Variants in MDN1 observed in about 807,000 individuals in gnomAD.
MDN1 encodes the protein midasin AAA ATPase 1, also known as midasin.
Under a neutral mutation model 669.2 loss-of-function variants are expected in MDN1, and 266 were observed. The ratio of observed to expected loss-of-function variants is 0.40; its 90% confidence interval spans 0.36 to 0.44. The LOEUF (loss-of-function observed/expected upper bound fraction) is 0.44. Ranked by LOEUF, MDN1 falls within the 20% of genes least tolerant of loss-of-function variation. The pLI is 1.00. For missense variants in MDN1, 5,940 were observed against 6,754.0 expected, an observed-to-expected ratio of 0.88 and a Z score of 4.22; for synonymous variants, 2,385 against 2,457.1, an observed-to-expected ratio of 0.97 and a Z score of 0.87.
At chr6:89,723,453 AAAATACTGGTTC>A in intron 39 of MDN1, 47 bp downstream of exon 39, 1 of 1,079,982 alleles carries the variant, frequency 9.3e-7, no homozygotes, top group Middle Eastern at 2.3e-4. Flanking sequence ...CTATGTTGAA[AAAATACTGGTTC>A]AAATACAGCC....
intron 20 of MDN1, among the ~76,000 whole-genome samples, chr6:89,755,587 A>C (rs995299673): frequency 6.6e-6 from 1 of 152,280 alleles, no homozygotes; most frequent in African/African-American, 2.4e-5. Context: ...TGTATTAAGG[A>C]AGAGAAAAAA....
At chr6:89,703,531 T>C (rs1267999578) in intron 53 of MDN1, among the ~76,000 whole-genome samples, 1 of 152,166 alleles carries the variant, frequency 6.6e-6, no homozygotes, top group East Asian at 1.9e-4. Context: ...GTAACATTGT[T>C]TCTAGATTAG....
rs148261180 is a variant in MDN1, at chr6:89,758,818, G to A, written c.2603C>T (p.Thr868Ile). Residue 868 changes from threonine to isoleucine, a missense_variant and splice_region_variant, in exon 18 of 102, where the codon ACA (threonine) becomes ATA (isoleucine). Coordinates refer to ENST00000369393, the MANE Select transcript of MDN1 (RefSeq NM_014611.3). ...ATCCCAAGGGATTCAAGTGCTACCT[G>A]TGTCTCCTCGATCCAGCAACACCAG... Reference protein sequence around the residue: ...GSLVLLDRGDTEPLVRHPDFR... With the variant: ...GSLVLLDRGDIEPLVRHPDFR... 504 of 1,614,080 alleles carry A rather than the reference G, an allele frequency of 3.1e-4. No homozygotes were observed. The African/African-American group carries it at 6.2e-3, about 20-fold the overall frequency.
At chr6:89,656,952 C>G (rs999334730) in intron 90 of MDN1, 151 bp from the exon 91 acceptor site, 7 of 640,506 alleles carry the variant, frequency 1.1e-5, no homozygotes, top group Admixed American at 9.3e-5. Flanking sequence ...TGGAACTCAC[C>G]GTAACTAAGG....
At chr6:89,654,737 T>A (rs1308243494) in intron 92 of MDN1, among the ~76,000 whole-genome samples, 1 of 152,188 alleles carries the variant, frequency 6.6e-6, no homozygotes, top group Admixed American at 6.5e-5. Context: ...GATTTGAATG[T>A]TCCCAACACA....
chr6:89,811,028 C>T (rs895381963), intron 1 of MDN1, among the ~76,000 whole-genome samples: 1 of 152,142 alleles, frequency 6.6e-6, no homozygotes, highest in African/African-American at 2.4e-5. Context: ...GACTTTATTA[C>T]ATCTGCAAAG....
Position 89,719,151 on chromosome 6 carries a change from A to G in MDN1, c.6042T>C (p.Thr2014=), listed in dbSNP as rs150195195. The G allele has an allele frequency of 9.9e-6, 16 of 1,613,492 alleles. No homozygotes were observed. Among genetic ancestry groups the G allele is most frequent in the Non-Finnish European group, 1.3e-5 (15 of 1,179,478 alleles). ...GTCTCCTTACCTGAACATCATAGGG[A>G]GTGATACGAAATAGTCTGGTTCCCA... ...PYMGTRLFRI[T]PYDVQLGYSV... The change falls in exon 41 of 102, where the codon ACT becomes ACC. Residue 2014 remains threonine, a synonymous_variant. Transcript: ENST00000369393.
rs763386259 is a variant in MDN1 at position 89,698,981 on chromosome 6, T to A, written c.9052A>T (p.Met3018Leu). ...LWSELFNSMF[M>L]SFWSSTVTTN... ...GTCACAGTACTGCTCCAGAAAGACA[T>A]AAACATGGAATTAAATAACTCGGAC... The change falls in exon 59 of 102, where the codon ATG becomes TTG. Residue 3018 changes from methionine (M) to leucine (L), a missense_variant. Met to Leu is a conservative substitution (Grantham distance 15, BLOSUM62 2). Around this residue, in one of 5 missense-constraint regions of MDN1, gnomAD observed 2,292 missense variants for 2,638.3 expected, o/e 0.87. Transcript: ENST00000369393. 1.1e-5 allele frequency: 18 copies of A among 1,613,816 alleles called. No homozygotes were observed. The highest frequency in any genetic ancestry group is 1.4e-5 in the Non-Finnish European group (17 of 1,179,936).
In MDN1 at chr6:89,790,203, G is replaced by A; in HGVS notation, c.1054C>T (p.Pro352Ser). 1 of 1,614,122 alleles carries A rather than the reference G, an allele frequency of 6.2e-7. No individual in the cohort carries two copies. The highest frequency in any genetic ancestry group is 2.2e-5 in the East Asian group (1 of 44,882). Residue 352 changes from proline (P) to serine (S), a missense_variant, in exon 6 of 102, where the codon CCT becomes TCT. Physicochemically the swap from Pro to Ser is moderately conservative, Grantham distance 74. Transcript: ENST00000369393. Reference sequence around the variant, plus strand: ...CCAAGCTGGACTTTGAGAAGCTGAGGAGGCTTTGTTCTACCTGTCACTGCA... The same window carrying A: ...CCAAGCTGGACTTTGAGAAGCTGAGAAGGCTTTGTTCTACCTGTCACTGCA... ...LAAVTGRTKPPQLLKVQLGDQ... is the reference protein window; with the variant it reads ...LAAVTGRTKPSQLLKVQLGDQ...
chr6:89,658,140 G>A, intron 90 of MDN1, 69 bp downstream of exon 90: 1 of 1,571,278 alleles, frequency 6.4e-7, no homozygotes. Context: ...TACACAGAAT[G>A]TGATGTCGGA....
At chr6:89,708,418 T>C (rs1813664474) in intron 51 of MDN1, 78 bp downstream of exon 51, 5 of 1,541,318 alleles carry the variant, frequency 3.2e-6, no homozygotes, top group Non-Finnish European at 4.4e-6. Flanking sequence ...ACATAAGCTA[T>C]TTGACAGATT....
chr6:89,715,227 C>G (rs1169090229), intron 45 of MDN1, among the ~76,000 whole-genome samples: 2 of 152,214 alleles, frequency 1.3e-5, no homozygotes, highest in East Asian at 3.9e-4. Flanking sequence ...TTCCCTTTCT[C>G]AATGAATGGC....
At chr6:89,690,173 T>C (rs1812289106) in intron 64 of MDN1, 30 bp from the exon 65 acceptor site, 2 of 1,601,440 alleles carry the variant, frequency 1.2e-6, no homozygotes, top group Non-Finnish European at 1.7e-6. Context: ...AATTGAACTT[T>C]TAAAAATCAG....
chr6:89,804,770 G>A (rs944350915), intron 1 of MDN1, among the ~76,000 whole-genome samples: 3 of 152,118 alleles, frequency 2.0e-5, no homozygotes, highest in Admixed American at 6.5e-5. Context: ...AGTGGCTCAC[G>A]CCTGTAATCC....
At chr6:89,816,346 G>A (rs1478570389) in intron 1 of MDN1, among the ~76,000 whole-genome samples, 8 of 152,076 alleles carry the variant, frequency 5.3e-5, no homozygotes, top group African/African-American at 1.9e-4. Context: ...GTTGCAGTGA[G>A]TTGAGATCGC....
chr6:89,771,508 T>C, intron 15 of MDN1, 53 bp downstream of exon 15: 1 of 1,463,728 alleles, frequency 6.8e-7, no homozygotes, highest in Non-Finnish European at 9.5e-7. Flanking sequence ...ACAGTATTTC[T>C]TACCTCAAGC....
At position 89,727,888 on chromosome 6, in the gene MDN1, C is replaced by A. The variant is rs925090167; in HGVS notation, c.5417G>T (p.Arg1806Leu). The A allele has an allele frequency of 6.2e-7, 1 of 1,614,020 alleles. No homozygotes were observed. Among genetic ancestry groups the A allele is most frequent in the Non-Finnish European group, 8.5e-7 (1 of 1,179,966 alleles). Residue 1806 changes from arginine to leucine, a missense_variant, in exon 37 of 102, where the codon CGT becomes CTT. Around this residue, in one of 5 missense-constraint regions of MDN1, gnomAD observed 2,292 missense variants for 2,638.3 expected, o/e 0.87. Coordinates refer to ENST00000369393, the MANE Select transcript of MDN1 (RefSeq NM_014611.3). ...CAAAGCTGCCAGTAAGGGGCCATCACGCCAGGCAAACTCTCCTCCCTTGCC... is the reference window on the plus strand; with the variant it reads ...CAAAGCTGCCAGTAAGGGGCCATCAAGCCAGGCAAACTCTCCTCCCTTGCC... ...EGGKGGEFAW[R>L]DGPLLAALKA... is the part of the protein sequence containing the mutation.
chr6:89,681,489 G>A (rs1811613390), intron 73 of MDN1, among the ~76,000 whole-genome samples: 1 of 152,030 alleles, frequency 6.6e-6, no homozygotes, highest in South Asian at 2.1e-4. Flanking sequence ...GAATTCAGAT[G>A]TTATATGAAG....
intron 62 of MDN1, 57 bp downstream of exon 62, chr6:89,694,017 T>C (rs1484487998): frequency 6.5e-6 from 9 of 1,375,008 alleles, no homozygotes; most frequent in Non-Finnish European, 8.3e-6. Flanking sequence ...CATAACTACA[T>C]TACATCAAAA....
Sources: allele counts gnomAD v4.1 joint callset (sites outside exome capture counted in the v4.1 genomes callset), GRCh38; gene constraint gnomAD v4.1.1; regional missense constraint gnomAD v4.1.1; transcripts MANE v1.5; gene names NCBI Gene and HGNC (gene_info 2026-07-23, HGNC 2026-07-21).